The following SLC19A3 variants were observed in gnomAD, a reference collection of about 807,000 sequenced individuals.
SLC19A3 encodes solute carrier family 19 member 3, also known as thiamine transporter 2.
A neutral mutation model predicts 40.2 loss-of-function variants in SLC19A3; 31 were observed. The observed-to-expected ratio is 0.77, with a 90% CI of 0.58 to 1.04. The LOEUF (loss-of-function observed/expected upper bound fraction) is 1.04, where lower values mean the gene tolerates loss of function less well. Ranked by LOEUF, SLC19A3 falls within the 50% of genes least tolerant of loss-of-function variation. SLC19A3 has a pLI of 0.00. For synonymous variants in SLC19A3, 212 were observed against 227.5 expected, an observed-to-expected ratio of 0.93 and a Z score of 0.61; for missense variants, 592 against 596.7, an observed-to-expected ratio of 0.99 and a Z score of 0.08.
At chr2:227,692,644 C>G (rs1023074593) in intron 4 of SLC19A3, among the ~76,000 whole-genome samples, 2 of 152,082 alleles carry the variant, frequency 1.3e-5, no homozygotes, top group Non-Finnish European at 2.9e-5. Flanking sequence ...ATTTGGAACA[C>G]GACAAGGATG....
intron 4 of SLC19A3, among the ~76,000 whole-genome samples, chr2:227,690,842 C>T (rs960676279): frequency 2.0e-5 from 3 of 151,438 alleles, no homozygotes; most frequent in African/African-American, 4.9e-5. Flanking sequence ...TAAAACCCCA[C>T]TTTCAGCACT....
Position 227,702,146 on chromosome 2 carries a change from G to C in SLC19A3, c.150+23C>G, listed in dbSNP as rs758229307. On this transcript the variant is annotated intron_variant, in intron 2 of 5. Coordinates refer to ENST00000644224, the MANE Select transcript of SLC19A3 (RefSeq NM_025243.4). ...CATAAAATTTAAAAAACCACATTAA[G>C]ATATGTATGTATGTTAACTTACCTC... 1.9e-6 allele frequency: 3 copies of C among 1,598,802 alleles called. No individual in the cohort carries two copies. In the South Asian group the frequency reaches 3.3e-5, roughly 18 times the overall value.
In SLC19A3 at chr2:227,703,832, C is replaced by T. The variant is rs1397723077; in HGVS notation, c.-2-1512G>A. On this transcript the variant is annotated intron_variant, in intron 1 of 5. Coordinates refer to ENST00000644224, the MANE Select transcript of SLC19A3 (RefSeq NM_025243.4). This position sits in a 1 kb window ranked among gnomAD's most constrained non-coding sequence, Gnocchi z 4.7. ...CTGACCACGGATTTGTTCTCTAAAT[C>T]CAGGTCATCATCTTCTCTGTGCATC... is the stretch of plus-strand genomic sequence containing the variant. Among the ~76,000 whole-genome samples the T allele has an allele frequency of 1.3e-5, 2 of 152,194 alleles. No homozygotes were observed. The highest frequency in any genetic ancestry group is 2.9e-5 in the Non-Finnish European group (2 of 68,036).
chr2:227,690,730 A>G (rs1352403237), intron 4 of SLC19A3, among the ~76,000 whole-genome samples: 1 of 149,930 alleles, frequency 6.7e-6, no homozygotes, highest in Non-Finnish European at 1.5e-5. Flanking sequence ...AAAAAAAAAA[A>G]AAATTGTAAA....
chr2:227,703,744 A>AT lies in SLC19A3; in HGVS notation c.-2-1425_-2-1424insA, dbSNP rs1695808480. Among the ~76,000 whole-genome samples, 1 of 152,096 alleles carries AT rather than the reference A, an allele frequency of 6.6e-6. No individual in the cohort carries two copies. The highest frequency in any genetic ancestry group is 2.4e-5 in the African/African-American group (1 of 41,410). ...ATCACTGAGGCTTGGTCATCTTCTG[A>AT]AGAGTGGTCTTGCTGGGGTAGCATC... On this transcript the variant is annotated intron_variant, in intron 1 of 5. Coordinates refer to ENST00000644224, the MANE Select transcript of SLC19A3 (RefSeq NM_025243.4). The surrounding 1 kb of genome is among the most constrained non-coding windows in gnomAD (Gnocchi z 4.7).
At chr2:227,714,422 C>A in intron 1 of SLC19A3, 9 of 985,300 alleles carry the variant, frequency 9.1e-6, no homozygotes, top group Non-Finnish European at 1.1e-5. Flanking sequence ...ATCTCAGAAG[C>A]TGAGGCAGGA....
chr2:227,714,359 C>A, intron 1 of SLC19A3: 8 of 915,966 alleles, frequency 8.7e-6, no homozygotes, highest in Non-Finnish European at 1.0e-5. Flanking sequence ...GGCAATAAAC[C>A]TTGTAAGTCT....
chr2:227,709,311 C>T (rs934496371), intron 1 of SLC19A3, among the ~76,000 whole-genome samples: 7 of 152,026 alleles, frequency 4.6e-5, no homozygotes, highest in Admixed American at 3.3e-4. Context: ...GGTGAAACCC[C>T]GTCTCAAACT....
chr2:227,717,547 C>G (rs909842770), intron 1 of SLC19A3, among the ~76,000 whole-genome samples: 7 of 152,144 alleles, frequency 4.6e-5, no homozygotes, highest in African/African-American at 1.7e-4. Flanking sequence ...CTCTTAAATT[C>G]AAACTCACCT....
rs1256768681 is a variant in SLC19A3, at chr2:227,687,025, G to A, written c.*372C>T. 5 of 187,038 alleles carry A rather than the reference G, an allele frequency of 2.7e-5. No individual in the cohort carries two copies. Among genetic ancestry groups the A allele is most frequent in the Non-Finnish European group, 4.5e-5 (4 of 89,476 alleles). 11.6% of individuals were successfully genotyped at this position (187,038 alleles called of 1,614,324 possible). On this transcript the variant is annotated 3_prime_UTR_variant, in exon 6 of 6. Transcript: ENST00000644224. ...TAAGCCTAGCAATAGGGTCAGTCCA[G>A]TTAGTATTTCTCCTCACAAATGGTG...
chr2:227,689,628 A>G (rs1351354503), intron 4 of SLC19A3, among the ~76,000 whole-genome samples: 4 of 152,244 alleles, frequency 2.6e-5, no homozygotes, highest in African/African-American at 9.6e-5. Flanking sequence ...CATCTCTAAG[A>G]AAAGGACGTT....
chr2:227,716,189 G>T (rs1250399516), intron 1 of SLC19A3, among the ~76,000 whole-genome samples: 3 of 152,114 alleles, frequency 2.0e-5, no homozygotes, highest in Non-Finnish European at 2.9e-5. Context: ...ATTGTCTATA[G>T]ACATGCAAAT....
chr2:227,717,844 G>A (rs1239027133), intron 1 of SLC19A3, 99 bp downstream of exon 1: 7 of 923,746 alleles, frequency 7.6e-6, no homozygotes, highest in Non-Finnish European at 9.0e-6. Context: ...CCAGGAACCC[G>A]CCCCCAGCTC....
chr2:227,706,473 AT>A (rs11366161), intron 1 of SLC19A3: 158,337 of 1,220,274 alleles, frequency 0.13, 11,836 homozygotes, highest in African/African-American at 0.29. Flanking sequence ...TAAACGGTAG[AT>A]TAAAAATTTT....
intron 4 of SLC19A3, chr2:227,695,669 A>G (rs1043037280): frequency 4.4e-5 from 25 of 565,226 alleles, no homozygotes; most frequent in South Asian, 1.5e-4. Flanking sequence ...CTATAAACCT[A>G]CAGAGTTTTT....
intron 1 of SLC19A3, 103 bp from the exon 2 acceptor site, chr2:227,702,423 T>A: frequency 1.7e-6 from 2 of 1,172,334 alleles, no homozygotes; most frequent in Non-Finnish European, 1.2e-6. Context: ...AGATGGAGGG[T>A]CGCTCTGTTG....
chr2:227,690,127 G>A (rs1405965508), intron 4 of SLC19A3, among the ~76,000 whole-genome samples: 5 of 152,256 alleles, frequency 3.3e-5, no homozygotes, highest in South Asian at 2.1e-4. Flanking sequence ...AATAACAGGA[G>A]TAAGTCCTTA....
Position 227,713,763 on chromosome 2 carries a change from GA to G in SLC19A3, c.-3+4179del, listed in dbSNP as rs566405446. ...TTATAAGCAACAGAAAACAGATTAAGAAAAAAAAGATGTACTTCAACAAAGA... is the reference window on the plus strand; with the variant it reads ...TTATAAGCAACAGAAAACAGATTAAGAAAAAAAGATGTACTTCAACAAAGA... On this transcript the variant is annotated intron_variant, in intron 1 of 5. Transcript: ENST00000644224. Among the ~76,000 whole-genome samples the G allele has an allele frequency of 1.3e-3, 193 of 143,010 alleles. 1 individual carries two copies. Among genetic ancestry groups the G allele is most frequent in the African/African-American group, 4.7e-3 (184 of 39,036 alleles). 93.8% of individuals were successfully genotyped at this position (143,010 alleles called of 152,430 possible).
chr2:227,715,523 G>A (rs1309759897), intron 1 of SLC19A3, among the ~76,000 whole-genome samples: 1 of 152,168 alleles, frequency 6.6e-6, no homozygotes, highest in African/African-American at 2.4e-5. Flanking sequence ...ACCGCACCCA[G>A]CCCAAGTGAT....
Sources: gnomAD v4.1 joint callset for allele counts (sites outside exome capture counted in the v4.1 genomes callset) on GRCh38, gnomAD v4.1.1 for gene constraint, Gnocchi (gnomAD v3.1) non-coding constraint, MANE v1.5 for transcripts, NCBI Gene and HGNC (gene_info 2026-07-23, HGNC 2026-07-21) for gene names.